CACNA2D3: variants seen among roughly 807,000 people sequenced by gnomAD.
CACNA2D3 encodes voltage-dependent calcium channel subunit alpha-2/delta-3.
A neutral mutation model predicts 160.6 loss-of-function variants in CACNA2D3; 60 were observed. The ratio of observed to expected loss-of-function variants is 0.37; its 90% CI spans 0.30 to 0.46. CACNA2D3 has a LOEUF of 0.46. CACNA2D3 is among the 20% of genes least tolerant of loss of function. The probability of loss-of-function intolerance (pLI) is 1.00; values close to 1 mark genes in which losing one functional copy is unlikely to be tolerated. For missense variants in CACNA2D3, 1,205 were observed against 1,365.0 expected, an observed-to-expected ratio of 0.88 and a Z score of 1.85; for synonymous variants, 558 against 492.9, an observed-to-expected ratio of 1.13 and a Z score of -1.75.
chr3:54,937,977 A>G (rs1446425324), intron 27 of CACNA2D3, among the ~76,000 whole-genome samples: 4 of 152,188 alleles, frequency 2.6e-5, no homozygotes, highest in Non-Finnish European at 5.9e-5. Flanking sequence ...AACCAGAGAA[A>G]AGCCCCTTGC....
intron 13 of CACNA2D3, among the ~76,000 whole-genome samples, chr3:54,800,845 G>C (rs1219822654): frequency 1.3e-5 from 2 of 152,114 alleles, no homozygotes; most frequent in Non-Finnish European, 2.9e-5. Flanking sequence ...GGACGGTGTG[G>C]TGCTCTTTGT....
chr3:54,451,218 G>GATATAATA (rs1465601698), intron 4 of CACNA2D3, among the ~76,000 whole-genome samples: 2 of 122,020 alleles, frequency 1.6e-5, no homozygotes, highest in Non-Finnish European at 3.3e-5. Flanking sequence ...CCTTTCTGCT[G>GATATAATA]ATATAATAAT....
intron 4 of CACNA2D3, among the ~76,000 whole-genome samples, chr3:54,462,851 A>G (rs1300343891): frequency 6.7e-6 from 1 of 149,498 alleles, no homozygotes; most frequent in African/African-American, 2.5e-5. Context: ...TCATTAGTTG[A>G]TGCAGTTTCT....
chr3:54,697,654 CACTTA>C (rs1700688992), intron 11 of CACNA2D3, among the ~76,000 whole-genome samples: 1 of 152,178 alleles, frequency 6.6e-6, no homozygotes, highest in South Asian at 2.1e-4. Flanking sequence ...GCCATGTGCA[CACTTA>C]ACTTATTTTT....
intron 2 of CACNA2D3, among the ~76,000 whole-genome samples, chr3:54,302,411 AG>A (rs1247071997): frequency 6.6e-6 from 1 of 152,142 alleles, no homozygotes; most frequent in African/African-American, 2.4e-5. Flanking sequence ...GGTATTTGGA[AG>A]GTGGTGTTTT....
In CACNA2D3 at chr3:54,123,498, C is replaced by G. The variant is rs1576941135; in HGVS notation, c.123-15C>G. 5 of 1,604,186 alleles carry G rather than the reference C, an allele frequency of 3.1e-6. No individual in the cohort carries two copies. Among genetic ancestry groups the G allele is most frequent in the Non-Finnish European group, 4.3e-6 (5 of 1,170,972 alleles). On this transcript the variant is annotated splice_polypyrimidine_tract_variant and intron_variant, in intron 1 of 37. Transcript: ENST00000474759. Reference sequence around the variant, plus strand: ...ACGGGTGTTACATATCTTCCTGTGCCCCTTCTCCCTGTAGGGTGAAGCTCT... The same window carrying G: ...ACGGGTGTTACATATCTTCCTGTGCGCCTTCTCCCTGTAGGGTGAAGCTCT...
rs1343541038 is a variant in CACNA2D3 at position 54,122,582 on chromosome 3, G to A, written c.-132G>A. Reference sequence around the variant, plus strand: ...TTTTTCTGCTCCCCAAGTGAGCCGGGCGCGCGAGAGGCAGGCGGGGCGGCG... The same window carrying A: ...TTTTTCTGCTCCCCAAGTGAGCCGGACGCGCGAGAGGCAGGCGGGGCGGCG... On this transcript the variant is annotated 5_prime_UTR_variant, in exon 1 of 38. Transcript: ENST00000474759. 1.1e-5 allele frequency: 3 copies of A among 283,948 alleles called. No homozygotes were observed. The Admixed American group carries it at 2.0e-4, about 19-fold the overall frequency. The allele number at this position is 283,948 out of a possible 1,614,324, so 17.6% of individuals were successfully genotyped here.
intron 3 of CACNA2D3, among the ~76,000 whole-genome samples, chr3:54,347,483 G>A (rs1209238610): frequency 1.3e-5 from 2 of 152,144 alleles, no homozygotes; most frequent in Non-Finnish European, 2.9e-5. Flanking sequence ...TTAAGATGAT[G>A]CCTCAGCTTT....
chr3:54,570,334 C>T (rs1180477411), intron 8 of CACNA2D3, among the ~76,000 whole-genome samples: 1 of 152,118 alleles, frequency 6.6e-6, no homozygotes. Context: ...CACAGCCACA[C>T]CGCCACACCA....
intron 11 of CACNA2D3, among the ~76,000 whole-genome samples, chr3:54,677,947 G>A (rs1289983131): frequency 6.6e-6 from 1 of 152,118 alleles, no homozygotes; most frequent in Non-Finnish European, 1.5e-5. Context: ...AGGGACACAT[G>A]TGTGATGAGA....
At chr3:54,970,493 C>G (rs1372510213) in intron 29 of CACNA2D3, among the ~76,000 whole-genome samples, 1 of 1,344 alleles carries the variant, frequency 7.4e-4, no homozygotes, top group Non-Finnish European at 1.9e-3. Flanking sequence ...CTCCCTTCCC[C>G]TCCCCTCCCC....
At chr3:54,527,834 C>T (rs1178745579) in intron 5 of CACNA2D3, among the ~76,000 whole-genome samples, 1 of 152,138 alleles carries the variant, frequency 6.6e-6, no homozygotes, top group Non-Finnish European at 1.5e-5. Flanking sequence ...AGGGAGGGAG[C>T]AGGTCTTTGT....
rs193108328 is a variant in CACNA2D3, at chr3:54,278,273, A to G, written c.205-42169A>G. 3.1e-3 allele frequency among the ~76,000 whole-genome samples: 478 copies of G among 152,380 alleles called. 2 individuals are homozygous for G. In the Middle Eastern group the frequency reaches 0.041, roughly 13 times the overall value. On this transcript the variant is annotated intron_variant, in intron 2 of 37. Coordinates refer to ENST00000474759, the MANE Select transcript of CACNA2D3 (RefSeq NM_018398.3). Reference sequence around the variant, plus strand: ...ATCACTGGTCATTAGAGAAATGCAAATCAAAACCCAGTGTGATACCATCTC... The same window carrying G: ...ATCACTGGTCATTAGAGAAATGCAAGTCAAAACCCAGTGTGATACCATCTC...
intron 4 of CACNA2D3, among the ~76,000 whole-genome samples, chr3:54,462,394 T>G (rs1409247480): frequency 1.3e-5 from 2 of 152,214 alleles, no homozygotes; most frequent in Non-Finnish European, 2.9e-5. Context: ...CTCCCATTAC[T>G]ATTGTGTGGG....
At chr3:54,918,347 TTTTTTTTTG>T in intron 27 of CACNA2D3, 3 of 389,686 alleles carry the variant, frequency 7.7e-6, no homozygotes, top group Non-Finnish European at 8.1e-6. Context: ...TTTTTTTTTT[TTTTTTTTTG>T]TCTTTTGGCA....
intron 2 of CACNA2D3, among the ~76,000 whole-genome samples, chr3:54,142,611 T>C (rs530118932): frequency 1.3e-5 from 2 of 152,184 alleles, no homozygotes; most frequent in Non-Finnish European, 2.9e-5. Context: ...ATGATGATGA[T>C]GATACACTAC....
intron 2 of CACNA2D3, among the ~76,000 whole-genome samples, chr3:54,283,335 A>G (rs1370280481): frequency 1.3e-5 from 2 of 152,296 alleles, no homozygotes; most frequent in Non-Finnish European, 2.9e-5. Flanking sequence ...ATGGGAAGAG[A>G]TAGACTTTAA....
intron 9 of CACNA2D3, chr3:54,626,180 C>T (rs1010824917): frequency 4.2e-6 from 3 of 722,606 alleles, no homozygotes; most frequent in South Asian, 3.2e-5. Flanking sequence ...TGCGCAGGCG[C>T]GGACCAGAGA....
At chr3:54,642,422 G>C (rs1699542922) in intron 11 of CACNA2D3, among the ~76,000 whole-genome samples, 181 bp downstream of exon 11, 2 of 151,842 alleles carry the variant, frequency 1.3e-5, no homozygotes, top group African/African-American at 4.8e-5. Context: ...TTCAAAAAAT[G>C]AAACTTTTGG....
Sources: gnomAD v4.1 joint callset for allele counts (sites outside exome capture counted in the v4.1 genomes callset) on GRCh38, gnomAD v4.1.1 for gene constraint, MANE v1.5 for transcripts, NCBI Gene and HGNC (gene_info 2026-07-23, HGNC 2026-07-21) for gene names.